DNMT3B: variants seen among roughly 807,000 people sequenced by gnomAD.
DNMT3B encodes DNA (cytosine-5)-methyltransferase 3B.
Under a neutral mutation model 120.2 loss-of-function variants are expected in DNMT3B, and 37 were observed. That is an observed-to-expected ratio of 0.31 (90% CI 0.24 to 0.40). The LOEUF (loss-of-function observed/expected upper bound fraction) is 0.40, where lower values mean the gene tolerates loss of function less well. DNMT3B is among the 10% of genes least tolerant of loss of function. DNMT3B has a pLI of 1.00. For synonymous variants in DNMT3B, 412 were observed against 442.8 expected (o/e 0.93, Z 0.87); for missense variants, 878 against 1,137.3 (o/e 0.77, Z 3.28).
Position 32,800,939 on chromosome 20 carries a change from T to C in DNMT3B, c.1996+14T>C, listed in dbSNP as rs1317226954. ...AAGGCCTGTATGGTGAGCATCCTTC[T>C]CTCTGGCAGTCCCTGGAGAGCCTAT... On this transcript the variant is annotated intron_variant, in intron 18 of 22. Transcript: ENST00000328111. The C allele has an allele frequency of 3.7e-6, 6 of 1,613,932 alleles. No homozygotes were observed. The Admixed American group carries it at 1.0e-4, about 27-fold the overall frequency.
intron 1 of DNMT3B, chr20:32,779,827 G>A: frequency 5.3e-6 from 3 of 566,438 alleles, no homozygotes; most frequent in Non-Finnish European, 9.5e-6. Context: ...GGGGGTGGGT[G>A]GGAAGAGGAC....
At chr20:32,804,118 G>T (rs1220840216) in intron 20 of DNMT3B, among the ~76,000 whole-genome samples, 1 of 152,180 alleles carries the variant, frequency 6.6e-6, no homozygotes, top group African/African-American at 2.4e-5. Flanking sequence ...TATGTGGAGG[G>T]TAGGACATTT....
chr20:32,766,087 A>G (rs937878713), intron 1 of DNMT3B, among the ~76,000 whole-genome samples: 6 of 152,164 alleles, frequency 3.9e-5, no homozygotes, highest in African/African-American at 1.4e-4. Context: ...CCTCACACCC[A>G]TAATCCCAGC....
At chr20:32,764,527 G>C (rs531508330) in intron 1 of DNMT3B, among the ~76,000 whole-genome samples, 1 of 152,296 alleles carries the variant, frequency 6.6e-6, no homozygotes, top group South Asian at 2.1e-4. Flanking sequence ...AGCTCTGAAA[G>C]CTTTTCTCAA....
At chr20:32,792,490 G>T in intron 8 of DNMT3B, 136 bp from the exon 9 acceptor site, 2 of 1,462,856 alleles carry the variant, frequency 1.4e-6, no homozygotes, top group Non-Finnish European at 1.9e-6. Flanking sequence ...ACATACCACA[G>T]CCCAGGACAG....
chr20:32,797,208 T>G lies in DNMT3B; in HGVS notation c.1399T>G (p.Tyr467Asp). 1 of 1,614,124 alleles carries G rather than the reference T, an allele frequency of 6.2e-7. No individual in the cohort carries two copies. Among genetic ancestry groups the G allele is most frequent in the Non-Finnish European group, 8.5e-7 (1 of 1,180,054 alleles). Residue 467 changes from tyrosine (Y) to aspartate (D), a missense_variant, in exon 14 of 23, where the codon TAC (tyrosine) becomes GAC (aspartate). Tyr to Asp is a radical substitution (Grantham distance 160). Around this residue, in one of 4 missense-constraint regions of DNMT3B, gnomAD observed 334 missense variants for 518.8 expected, o/e 0.64. Transcript: ENST00000328111. ...TCRDRFLELF[Y>D]MYDDDGYQSY... Reference sequence around the variant, plus strand: ...CCAGGATCGCTTCCTTGAGCTGTTTTACATGTATGATGACGATGGCTATCA... The same window carrying G: ...CCAGGATCGCTTCCTTGAGCTGTTTGACATGTATGATGACGATGGCTATCA...
At chr20:32,792,593 C>T in intron 8 of DNMT3B, 33 bp from the exon 9 acceptor site, 2 of 1,613,198 alleles carry the variant, frequency 1.2e-6, no homozygotes, top group Admixed American at 1.7e-5. Flanking sequence ...CTCCTCCCCA[C>T]CCCCCCATTC....
At position 32,807,771 on chromosome 20, in the gene DNMT3B, C is replaced by T. The variant is rs776808076; in HGVS notation, c.2430C>T (p.Gly810=). The part of the protein sequence containing the change: ...LWCTELERIF[G]FPVHYTDVSN... ...ACTCCGGTACCCCCAGGATCTTTGGCTTTCCTGTGCACTACACAGACGTGT... is the reference window on the plus strand; with the variant it reads ...ACTCCGGTACCCCCAGGATCTTTGGTTTTCCTGTGCACTACACAGACGTGT... Residue 810 remains glycine (G), a synonymous_variant, in exon 23 of 23, where the codon GGC becomes GGT. Transcript: ENST00000328111. 2.4e-5 allele frequency: 39 copies of T among 1,614,044 alleles called. 1 individual carries two copies. The highest frequency in any genetic ancestry group is 3.1e-5 in the Non-Finnish European group (37 of 1,180,044).
chr20:32,799,398 TG>T, intron 16 of DNMT3B, 70 bp downstream of exon 16: 1 of 1,535,078 alleles, frequency 6.5e-7, no homozygotes, highest in Non-Finnish European at 8.9e-7. Context: ...TCAGAAGGCA[TG>T]GTTAAGGTGT....
At chr20:32,791,784 A>C in intron 8 of DNMT3B, 76 bp downstream of exon 8, 48 of 1,529,958 alleles carry the variant, frequency 3.1e-5, no homozygotes, top group Middle Eastern at 2.0e-4. Flanking sequence ...AACCTAGCTC[A>C]GTGTTGCCAA....
chr20:32,788,782 A>T (rs1479508457), intron 6 of DNMT3B, 72 bp from the exon 7 acceptor site: 2 of 1,593,544 alleles, frequency 1.3e-6, no homozygotes, highest in Non-Finnish European at 1.7e-6. Context: ...CCTCAGGGAC[A>T]GTGGAGTGGA....
At chr20:32,766,071 G>C (rs1485974016) in intron 1 of DNMT3B, among the ~76,000 whole-genome samples, 3 of 152,060 alleles carry the variant, frequency 2.0e-5, no homozygotes, top group Non-Finnish European at 4.4e-5. Flanking sequence ...TTTTATATGG[G>C]TGCTGCCTCA....
At position 32,797,262 on chromosome 20, in the gene DNMT3B, C is replaced by A; in HGVS notation, c.1453C>A (p.Arg485=). 1.2e-6 allele frequency: 2 copies of A among 1,614,190 alleles called. No homozygotes were observed. Among genetic ancestry groups the A allele is most frequent in the Non-Finnish European group, 1.7e-6 (2 of 1,180,052 alleles). ...QSYCTVCCEG[R]ELLLCSNTSC... is the part of the protein sequence containing the mutation. ...TTACTGCACTGTGTGCTGCGAGGGC[C>A]GAGAGCTGCTGCTTTGCAGCAACAC... Residue 485 remains arginine (R), a synonymous_variant, in exon 14 of 23, where the codon CGA becomes AGA. Transcript: ENST00000328111.
At chr20:32,791,812 C>T in intron 8 of DNMT3B, 104 bp downstream of exon 8, 1 of 1,215,412 alleles carries the variant, frequency 8.2e-7, no homozygotes, top group Non-Finnish European at 1.2e-6. Context: ...TTGGAGGGGA[C>T]AGGGTGGCCA....
intron 1 of DNMT3B, among the ~76,000 whole-genome samples, chr20:32,778,707 G>A (rs1307545502): frequency 6.6e-6 from 1 of 152,218 alleles, no homozygotes; most frequent in Non-Finnish European, 1.5e-5. Context: ...CTTCTAGAAG[G>A]TACCCTGGTT....
intron 10 of DNMT3B, 138 bp from the exon 11 acceptor site, chr20:32,795,271 C>T (rs1980463350): frequency 7.5e-7 from 1 of 1,326,914 alleles, no homozygotes; most frequent in Non-Finnish European, 1.1e-6. Flanking sequence ...CATCAAGGGG[C>T]CATATACATT....
At position 32,796,837 on chromosome 20, in the gene DNMT3B, C is replaced by T. The variant is rs757117952; in HGVS notation, c.1345C>T (p.Leu449Phe). The T allele has an allele frequency of 2.5e-6, 4 of 1,614,110 alleles. No individual in the cohort carries two copies. Among genetic ancestry groups the T allele is most frequent in the Non-Finnish European group, 2.5e-6 (3 of 1,180,048 alleles). The change falls in exon 13 of 23, where the codon CTC becomes TTC. Residue 449 changes from leucine to phenylalanine, a missense_variant. Leu to Phe is a conservative substitution (Grantham distance 22). Around this residue, in one of 4 missense-constraint regions of DNMT3B, gnomAD observed 207 missense variants for 222.6 expected, o/e 0.93. Coordinates refer to ENST00000328111, the MANE Select transcript of DNMT3B (RefSeq NM_006892.4). ...GRKNPVSFHP[L>F]FEGGLCQTCR... is the part of the protein sequence containing the mutation. ...GAAAAACCCCGTGTCCTTCCACCCT[C>T]TCTTTGAGGGGGGGCTCTGTCAGAC...
In DNMT3B at chr20:32,781,400, C is replaced by G. The variant is rs551310722; in HGVS notation, c.190C>G (p.Leu64Val). 6.2e-7 allele frequency: 1 copy of G among 1,614,202 alleles called. No homozygotes were observed. Among genetic ancestry groups the G allele is most frequent in the East Asian group, 2.2e-5 (1 of 44,884 alleles). ...RLSKREVSSL[L>V]SYTQDLTGDG... ...CTCCAAGAGGGAGGTGTCCAGTCTG[C>G]TAAGCTACACACAGGTATGGTCTCT... Residue 64 changes from leucine (L) to valine (V), a missense_variant, in exon 3 of 23, where the codon CTA becomes GTA. Physicochemically the swap from Leu to Val is conservative, Grantham distance 32 (BLOSUM62 1). Transcript: ENST00000328111.
intron 1 of DNMT3B, among the ~76,000 whole-genome samples, chr20:32,770,645 G>A (rs1434481994): frequency 7.2e-6 from 1 of 138,506 alleles, no homozygotes; most frequent in Non-Finnish European, 1.5e-5. Context: ...ACAGAGTTTC[G>A]CTCTTTGCCC....
Sources: allele counts gnomAD v4.1 joint callset (sites outside exome capture counted in the v4.1 genomes callset), GRCh38; gene constraint gnomAD v4.1.1; regional missense constraint gnomAD v4.1.1; transcripts MANE v1.5; gene names NCBI Gene and HGNC (gene_info 2026-07-23, HGNC 2026-07-21).